BRF1: variants seen among roughly 807,000 people sequenced by gnomAD.
BRF1 encodes BRF1 general transcription factor IIIB subunit, also known as transcription factor IIIB 90 kDa subunit.
A neutral mutation model predicts 81.7 loss-of-function variants in BRF1; 59 were observed. That is an observed-to-expected ratio of 0.72 (90% confidence interval 0.59 to 0.90). The LOEUF (loss-of-function observed/expected upper bound fraction) is 0.90, where lower values mean the gene tolerates loss of function less well. BRF1 is among the 40% of genes least tolerant of loss of function. The pLI, the probability that BRF1 is intolerant of heterozygous loss-of-function variation, is 0.00. For synonymous variants in BRF1, 491 were observed against 395.6 expected (o/e 1.24, Z -2.86); for missense variants, 1,050 against 936.3 (o/e 1.12, Z -1.58).
intron 2 of BRF1, among the ~76,000 whole-genome samples, chr14:105,282,553 T>C (rs940011696): frequency 6.6e-6 from 1 of 152,166 alleles, no homozygotes; most frequent in Admixed American, 6.6e-5. Flanking sequence ...CAAGGCGGTA[T>C]GGGGAGAACA....
At chr14:105,227,787 GA>G (rs1250021030) in intron 7 of BRF1, 2 of 152,254 alleles carry the variant, frequency 1.3e-5, no homozygotes, top group African/African-American at 2.4e-5. Flanking sequence ...TTTCATCAAA[GA>G]TTTTTTTTAC....
At chr14:105,250,167 C>T in intron 5 of BRF1, 27 of 1,612,974 alleles carry the variant, frequency 1.7e-5, no homozygotes, top group Non-Finnish European at 2.3e-5. Flanking sequence ...TACACGGCCA[C>T]CAACAAGCCC....
chr14:105,272,327 G>A (rs910192130), intron 3 of BRF1, among the ~76,000 whole-genome samples: 16 of 152,194 alleles, frequency 1.1e-4, no homozygotes, highest in African/African-American at 3.1e-4. Flanking sequence ...CTCGGTGTAC[G>A]CCTGGCTGCA....
intron 5 of BRF1, chr14:105,250,814 C>T: frequency 2.3e-6 from 2 of 885,812 alleles, no homozygotes; most frequent in Non-Finnish European, 3.4e-6. Flanking sequence ...TGTGTAGAGA[C>T]ATTTTCCACA....
chr14:105,261,272 GC>G (rs1236894197), intron 3 of BRF1, among the ~76,000 whole-genome samples: 1 of 152,228 alleles, frequency 6.6e-6, no homozygotes. Flanking sequence ...CTCAAAGGGC[GC>G]CAGACATTCC....
At chr14:105,220,154 G>A (rs777176570) in intron 11 of BRF1, 24 bp from the exon 12 acceptor site, 12 of 1,612,768 alleles carry the variant, frequency 7.4e-6, no homozygotes, top group South Asian at 2.2e-5. Context: ...CAGCATCCGC[G>A]TCACTCAGGG....
At chr14:105,221,627 C>T in intron 11 of BRF1, 21 bp downstream of exon 11, 3 of 1,601,562 alleles carry the variant, frequency 1.9e-6, no homozygotes, top group Non-Finnish European at 2.5e-6. Flanking sequence ...CAGCGTCCCC[C>T]AGGGCCCCAT....
intron 10 of BRF1, among the ~76,000 whole-genome samples, chr14:105,225,015 T>C (rs989187932): frequency 1.3e-5 from 2 of 152,192 alleles, no homozygotes; most frequent in Non-Finnish European, 2.9e-5. Flanking sequence ...GAGCAGCCTC[T>C]CAGAAGCCCC....
chr14:105,229,447 C>A (rs1422392007), intron 6 of BRF1, among the ~76,000 whole-genome samples: 1 of 152,224 alleles, frequency 6.6e-6, no homozygotes, highest in Non-Finnish European at 1.5e-5. Context: ...AGAGTGGACT[C>A]TGTGGGCACG....
chr14:105,296,996 A>C (rs2057774843), intron 1 of BRF1, among the ~76,000 whole-genome samples: 2 of 151,620 alleles, frequency 1.3e-5, no homozygotes, highest in Admixed American at 6.6e-5. Flanking sequence ...TGTCTCTACT[A>C]AAAATACAAA....
chr14:105,221,085 G>A (rs1892209032), intron 11 of BRF1, among the ~76,000 whole-genome samples: 1 of 152,252 alleles, frequency 6.6e-6, no homozygotes, highest in South Asian at 2.1e-4. Flanking sequence ...CGGGAGGCAG[G>A]GCTTGAGGGT....
In BRF1 at chr14:105,243,811, T is replaced by C. The variant is rs587682399; in HGVS notation, c.545-2397A>G. Reference sequence around the variant, plus strand: ...AGGAATTCAAGACCAGCCTGGCCAATATAGTGAAACCCCATCTCTACTAAA... The same window carrying C: ...AGGAATTCAAGACCAGCCTGGCCAACATAGTGAAACCCCATCTCTACTAAA... On this transcript the variant is annotated intron_variant, in intron 5 of 17. Transcript: ENST00000547530. Among the ~76,000 whole-genome samples the C allele has an allele frequency of 2.0e-5, 3 of 151,574 alleles. 1 individual carries two copies. Among genetic ancestry groups the C allele is most frequent in the African/African-American group, 7.3e-5 (3 of 41,280 alleles).
intron 3 of BRF1, 84 bp downstream of exon 3, chr14:105,272,637 G>T: frequency 6.8e-7 from 1 of 1,462,848 alleles, no homozygotes; most frequent in Non-Finnish European, 9.2e-7. Context: ...CCAAGTTACT[G>T]CAACTACCAA....
intron 15 of BRF1, among the ~76,000 whole-genome samples, chr14:105,216,567 C>G (rs1472768635): frequency 1.3e-5 from 2 of 152,204 alleles, no homozygotes; most frequent in Non-Finnish European, 2.9e-5. Context: ...GGCTCCCTCA[C>G]AGAGTAGCAC....
intron 4 of BRF1, among the ~76,000 whole-genome samples, chr14:105,253,268 C>CT (rs1449002259): frequency 6.6e-6 from 1 of 152,224 alleles, no homozygotes; most frequent in Non-Finnish European, 1.5e-5. Flanking sequence ...GCCCTGCTGG[C>CT]TGGGGGAGGA....
At chr14:105,308,756 C>G (rs2058264275) in intron 1 of BRF1, among the ~76,000 whole-genome samples, 1 of 152,022 alleles carries the variant, frequency 6.6e-6, no homozygotes, top group Non-Finnish European at 1.5e-5. Context: ...GCTGGGATTA[C>G]AGGCATGAGC....
Position 105,271,236 on chromosome 14 carries a change from C to T in BRF1, c.439+1485G>A, listed in dbSNP as rs1595436596. Among the ~76,000 whole-genome samples, 2 of 152,322 alleles carry T rather than the reference C, an allele frequency of 1.3e-5. No homozygotes were observed. Among genetic ancestry groups the T allele is most frequent in the East Asian group, 1.9e-4 (1 of 5,186 alleles). On this transcript the variant is annotated intron_variant, in intron 3 of 17. Coordinates refer to ENST00000547530, the MANE Select transcript of BRF1 (RefSeq NM_001519.4). The surrounding 1 kb of genome is among the most constrained non-coding windows in gnomAD (Gnocchi z 5.5). ...AGAAGAAGGGAGACACATCTAACGA[C>T]GAATTCAACAGAAGCTCAGGACAGG...
chr14:105,298,057 G>A (rs1427068102), intron 1 of BRF1, among the ~76,000 whole-genome samples: 1 of 152,312 alleles, frequency 6.6e-6, no homozygotes, highest in Middle Eastern at 3.4e-3. Flanking sequence ...GTATCAACAC[G>A]ATGCTCAAAG....
intron 5 of BRF1, among the ~76,000 whole-genome samples, chr14:105,251,470 G>A (rs2140301732): frequency 6.6e-6 from 1 of 152,288 alleles, no homozygotes; most frequent in East Asian, 1.9e-4. Context: ...GGTGAAACAG[G>A]CTCTCCCACC....
Sources: allele counts gnomAD v4.1 joint callset (sites outside exome capture counted in the v4.1 genomes callset), GRCh38; gene constraint gnomAD v4.1.1; non-coding constraint Gnocchi (gnomAD v3.1); transcripts MANE v1.5; gene names NCBI Gene and HGNC (gene_info 2026-07-23, HGNC 2026-07-21).